Variants in USP42 observed in about 807,000 individuals in gnomAD.
USP42 encodes ubiquitin carboxyl-terminal hydrolase 42.
Under a neutral mutation model 113.0 loss-of-function variants are expected in USP42, and 23 were observed. That is an observed-to-expected ratio of 0.20 (90% CI 0.15 to 0.29). The LOEUF (loss-of-function observed/expected upper bound fraction) is 0.29, where lower values mean the gene tolerates loss of function less well. Among genes scored for constraint, USP42 ranks in the 10% least tolerant of loss-of-function variants. The pLI, the probability that USP42 is intolerant of heterozygous loss-of-function variation, is 1.00. For missense variants in USP42, 2,174 were observed against 1,779.8 expected, an observed-to-expected ratio of 1.22 and a Z score of -3.99; for synonymous variants, 933 against 699.0, an observed-to-expected ratio of 1.33 and a Z score of -5.28.
rs570042149 is a variant in USP42 at position 6,113,714 on chromosome 7, C to T, written c.242-1609C>T. ...TCGGCTCACTGCAACCTCCGCCTCC[C>T]GGGTTCACACCATTCTCCTGCCTCA... On this transcript the variant is annotated intron_variant, in intron 2 of 17. Transcript: ENST00000306177. Among the ~76,000 whole-genome samples the T allele has an allele frequency of 3.9e-5, 6 of 152,166 alleles. No individual in the cohort carries two copies. In the East Asian group the frequency reaches 7.7e-4, roughly 20 times the overall value.
rs1398366471 is a variant in USP42 at position 6,154,348 on chromosome 7, G to A, written c.2794G>A (p.Ala932Thr). Reference protein sequence around the residue: ...ERVEDAAAPKAPGPSPAKEKI... With the variant: ...ERVEDAAAPKTPGPSPAKEKI... ...GGTCGAGGACGCCGCGGCGCCGAAAGCCCCAGGCCCTTCCCCAGCGAAGGA... is the reference window on the plus strand; with the variant it reads ...GGTCGAGGACGCCGCGGCGCCGAAAACCCCAGGCCCTTCCCCAGCGAAGGA... Residue 932 changes from alanine (A) to threonine (T), a missense_variant, in exon 15 of 18, where the codon GCC becomes ACC. Transcript: ENST00000306177. 3.0e-5 allele frequency: 47 copies of A among 1,572,544 alleles called. No homozygotes were observed. Among genetic ancestry groups the A allele is most frequent in the Non-Finnish European group, 4.0e-5 (46 of 1,160,292 alleles).
the USP42 span, among the ~76,000 whole-genome samples, chr7:6,092,042 T>C: frequency 1.1e-5 from 1 of 93,468 alleles, no homozygotes; most frequent in Non-Finnish European, 2.4e-5. Flanking sequence ...CTTCTTCTTC[T>C]TCTTCTTCTT....
chr7:6,125,195 A>C (rs1368572955), intron 3 of USP42, among the ~76,000 whole-genome samples: 1 of 148,598 alleles, frequency 6.7e-6, no homozygotes, highest in Admixed American at 6.7e-5. Context: ...AAAAAAAAAA[A>C]AAAAAAAAAC....
the USP42 span, chr7:6,081,414 T>C: frequency 1.3e-5 from 2 of 152,274 alleles, no homozygotes; most frequent in South Asian, 2.0e-4. Context: ...CCCGCCGCCT[T>C]CCACTTTGCG....
At chr7:6,082,986 G>C in the USP42 span, among the ~76,000 whole-genome samples, 1 of 147,744 alleles carries the variant, frequency 6.8e-6, no homozygotes, top group Non-Finnish European at 1.5e-5. Flanking sequence ...TTTTGAGATG[G>C]AGTCTCGGCT....
chr7:6,108,632 C>T (rs1216273019), intron 1 of USP42, among the ~76,000 whole-genome samples: 1 of 152,118 alleles, frequency 6.6e-6, no homozygotes, highest in Non-Finnish European at 1.5e-5. Flanking sequence ...AGACACGCAC[C>T]ACCATGCCCA....
chr7:6,118,719 G>A (rs1197562465), intron 3 of USP42, among the ~76,000 whole-genome samples: 2 of 151,992 alleles, frequency 1.3e-5, no homozygotes, highest in African/African-American at 4.8e-5. Context: ...GGTTGTTCTA[G>A]CACCATTTGT....
At chr7:6,105,310 G>A (rs1335187512) in intron 1 of USP42, among the ~76,000 whole-genome samples, 3 of 147,336 alleles carry the variant, frequency 2.0e-5, no homozygotes, top group Non-Finnish European at 4.5e-5. Flanking sequence ...GCGCGGCGAG[G>A]CCGGGCCCCC....
chr7:6,115,573 TC>T, intron 3 of USP42, 50 bp downstream of exon 3: 1 of 1,581,796 alleles, frequency 6.3e-7, no homozygotes, highest in Non-Finnish European at 8.7e-7. Context: ...TAACCTACTT[TC>T]ATTTTTTCCT....
At chr7:6,110,752 T>C (rs530093150) in intron 1 of USP42, among the ~76,000 whole-genome samples, 6 of 152,358 alleles carry the variant, frequency 3.9e-5, no homozygotes, top group African/African-American at 1.2e-4. Flanking sequence ...GTATAATTTT[T>C]CTAGTTTTAA....
intron 7 of USP42, 70 bp downstream of exon 7, chr7:6,141,054 A>G: frequency 2.6e-6 from 2 of 772,176 alleles, no homozygotes; most frequent in Non-Finnish European, 2.1e-6. Flanking sequence ...TAGTTCATTT[A>G]TAATTTAGAC....
Position 6,159,324 on chromosome 7 carries a change from T to A in USP42, c.3944-126T>A, listed in dbSNP as rs1782637238. The A allele has an allele frequency of 4.1e-6, 5 of 1,221,490 alleles. No individual in the cohort carries two copies. Among genetic ancestry groups the A allele is most frequent in the Non-Finnish European group, 5.9e-6 (5 of 849,416 alleles). The allele number at this position is 1,221,490 out of a possible 1,614,324, so 75.7% of individuals were successfully genotyped here. On this transcript the variant is annotated intron_variant, in intron 16 of 17. Transcript: ENST00000306177. This position sits in a 1 kb window ranked among gnomAD's most constrained non-coding sequence, Gnocchi z 4.1. Reference sequence around the variant, plus strand: ...CATCCCTGCTCACCTCACTGGGGAGTGGCCTCAGGCGCTCACAGGGAACCG... The same window carrying A: ...CATCCCTGCTCACCTCACTGGGGAGAGGCCTCAGGCGCTCACAGGGAACCG...
chr7:6,086,852 A>C, the USP42 span, among the ~76,000 whole-genome samples: 1 of 150,264 alleles, frequency 6.7e-6, no homozygotes, highest in Non-Finnish European at 1.5e-5. Flanking sequence ...CAGCCTCCCG[A>C]GTAGCTGGAA....
Position 6,145,369 on chromosome 7 carries a change from T to TA in USP42, c.991-144dup, listed in dbSNP as rs1430263313. ...AGATGGCTAAATGCACTAGGTTTTT[T>TA]AAATGCATTAGGTTTTTGCTAGAAT... On this transcript the variant is annotated intron_variant, in intron 9 of 17. Coordinates refer to ENST00000306177, the MANE Select transcript of USP42 (RefSeq NM_032172.3). The TA allele has an allele frequency of 4.4e-6, 4 of 901,898 alleles. No individual in the cohort carries two copies. The Admixed American group carries it at 1.1e-4, about 26-fold the overall frequency. 55.9% of individuals were successfully genotyped at this position (901,898 alleles called of 1,614,324 possible). A position where few individuals can be genotyped will look rare whatever the true frequency, so the allele number is the denominator to read the frequency against.
At chr7:6,105,827 C>G (rs1349287361) in intron 1 of USP42, among the ~76,000 whole-genome samples, 1 of 152,214 alleles carries the variant, frequency 6.6e-6, no homozygotes, top group Non-Finnish European at 1.5e-5. Context: ...GGACTTTAAC[C>G]CCTCTCACAT....
intron 1 of USP42, among the ~76,000 whole-genome samples, chr7:6,109,468 C>A (rs1300055490): frequency 6.6e-6 from 1 of 152,190 alleles, no homozygotes; most frequent in African/African-American, 2.4e-5. Flanking sequence ...TCTCGGCTCA[C>A]TGCAATCTCT....
Position 6,156,628 on chromosome 7 carries a change from A to G in USP42, c.3642-126A>G, listed in dbSNP as rs963860402. On this transcript the variant is annotated intron_variant, in intron 15 of 17. Transcript: ENST00000306177. ...CCATACCTGGCCTACGTGGCTAATT[A>G]GATAAGAATTGTGCGTGTCTGCACA... 3 of 1,370,114 alleles carry G rather than the reference A, an allele frequency of 2.2e-6. No homozygotes were observed. The African/African-American group carries it at 4.5e-5, about 20-fold the overall frequency. 84.9% of individuals were successfully genotyped at this position (1,370,114 alleles called of 1,614,324 possible). A position where few individuals can be genotyped will look rare whatever the true frequency, so the allele number is the denominator to read the frequency against.
intron 3 of USP42, among the ~76,000 whole-genome samples, chr7:6,121,985 C>G (rs1480165062): frequency 1.3e-5 from 2 of 152,124 alleles, no homozygotes; most frequent in African/African-American, 2.4e-5. Flanking sequence ...TCAATCTGAC[C>G]AGAAGTTTTT....
intron 3 of USP42, chr7:6,116,972 T>G: frequency 2.2e-6 from 1 of 452,994 alleles, no homozygotes; most frequent in South Asian, 1.7e-5. Context: ...GTAGTTTTTG[T>G]GCTTGCTTCC....
Sources: gnomAD v4.1 joint callset for allele counts (sites outside exome capture counted in the v4.1 genomes callset) on GRCh38, gnomAD v4.1.1 for gene constraint, Gnocchi (gnomAD v3.1) non-coding constraint, MANE v1.5 for transcripts, NCBI Gene and HGNC (gene_info 2026-07-23, HGNC 2026-07-21) for gene names.